The following PID1 variants were observed in gnomAD, a reference collection of about 807,000 sequenced individuals.
PID1 encodes the protein phosphotyrosine interaction domain containing 1, also known as PTB-containing, cubilin and LRP1-interacting protein.
PID1 carries 10 observed loss-of-function variants against 19.1 expected under a neutral mutation model. The observed-to-expected ratio is 0.52, with a 90% CI of 0.32 to 0.89. The LOEUF (loss-of-function observed/expected upper bound fraction) is 0.89. PID1 is among the 40% of genes least tolerant of loss of function. The probability of loss-of-function intolerance (pLI) is 0.03; values close to 1 mark genes in which losing one functional copy is unlikely to be tolerated. For missense variants in PID1, 248 were observed against 285.3 expected (o/e 0.87, Z 0.94); for synonymous variants, 130 against 116.0 (o/e 1.12, Z -0.78).
At chr2:229,201,716 C>G (rs1356720573) in intron 1 of PID1, among the ~76,000 whole-genome samples, 1 of 152,078 alleles carries the variant, frequency 6.6e-6, no homozygotes, top group East Asian at 1.9e-4. Context: ...CTTTCCACAG[C>G]AGTTGCATCA....
chr2:229,045,690 T>C (rs1477546393), intron 2 of PID1, among the ~76,000 whole-genome samples: 1 of 152,250 alleles, frequency 6.6e-6, no homozygotes, highest in Non-Finnish European at 1.5e-5. Flanking sequence ...AGTGAATTGA[T>C]GAGGAAACCT....
At position 229,258,314 on chromosome 2, in the gene PID1, C is replaced by T. The variant is rs551481695; in HGVS notation, c.30+12700G>A. Among the ~76,000 whole-genome samples, 3 of 152,272 alleles carry T rather than the reference C, an allele frequency of 2.0e-5. No individual in the cohort carries two copies. The South Asian group carries it at 6.2e-4, about 32-fold the overall frequency. ...TCAACCACTAGTTTGACTAAGATCCCTAGGCAAACTGAGATGGATGAAAAA... is the reference window on the plus strand; with the variant it reads ...TCAACCACTAGTTTGACTAAGATCCTTAGGCAAACTGAGATGGATGAAAAA... On this transcript the variant is annotated intron_variant, in intron 1 of 2. Coordinates refer to ENST00000392055, the MANE Select transcript of PID1 (RefSeq NM_001100818.2).
chr2:229,061,360 T>C (rs1189073583), intron 2 of PID1, among the ~76,000 whole-genome samples: 4 of 151,994 alleles, frequency 2.6e-5, no homozygotes, highest in South Asian at 2.1e-4. Flanking sequence ...ATTGAAAAGA[T>C]TGCCTTTCTC....
intron 1 of PID1, among the ~76,000 whole-genome samples, chr2:229,210,161 A>G (rs1574724273): frequency 6.6e-6 from 1 of 151,526 alleles, no homozygotes; most frequent in African/African-American, 2.4e-5. Context: ...AAAAAGTAAA[A>G]TATGTAAAGG....
chr2:229,138,279 T>C (rs376718716), intron 2 of PID1, among the ~76,000 whole-genome samples: 1 of 152,296 alleles, frequency 6.6e-6, no homozygotes, highest in Admixed American at 6.5e-5. Context: ...CTGTAAAAAC[T>C]GTGCTCTAAA....
At chr2:229,138,830 T>C (rs1689911308) in intron 2 of PID1, among the ~76,000 whole-genome samples, 1 of 150,594 alleles carries the variant, frequency 6.6e-6, no homozygotes. Context: ...ATCAGTGCTT[T>C]TGCTGGACAG....
At chr2:229,143,835 C>T (rs555118743) in intron 2 of PID1, among the ~76,000 whole-genome samples, 3 of 152,096 alleles carry the variant, frequency 2.0e-5, no homozygotes, top group South Asian at 2.1e-4. Flanking sequence ...CTTCCCCTTC[C>T]GCCATGATTT....
chr2:229,172,291 G>T (rs558628620), intron 1 of PID1, among the ~76,000 whole-genome samples: 1 of 152,310 alleles, frequency 6.6e-6, no homozygotes, highest in African/African-American at 2.4e-5. Context: ...ATTGATCAAT[G>T]AAGCATATAT....
chr2:229,248,644 C>A (rs1690065021), intron 1 of PID1, among the ~76,000 whole-genome samples: 1 of 152,194 alleles, frequency 6.6e-6, no homozygotes, highest in South Asian at 2.1e-4. Context: ...CTCCATCATC[C>A]CTGCTTTATT....
chr2:229,153,996 C>A (rs1690313245), intron 2 of PID1, among the ~76,000 whole-genome samples: 1 of 152,136 alleles, frequency 6.6e-6, no homozygotes, highest in Non-Finnish European at 1.5e-5. Flanking sequence ...ATATCACTTT[C>A]AAATTTATAA....
intron 2 of PID1, among the ~76,000 whole-genome samples, chr2:229,060,335 C>G (rs887305959): frequency 6.6e-6 from 1 of 152,066 alleles, no homozygotes; most frequent in Non-Finnish European, 1.5e-5. Flanking sequence ...GAGATCAACT[C>G]TTTTAGATTC....
chr2:229,092,630 T>C (rs1694898569), intron 2 of PID1, among the ~76,000 whole-genome samples: 1 of 152,086 alleles, frequency 6.6e-6, no homozygotes, highest in Admixed American at 6.5e-5. Context: ...AGTTTCACCT[T>C]TCCTTTTTCC....
At chr2:229,227,076 C>G (rs1692093915) in intron 1 of PID1, among the ~76,000 whole-genome samples, 1 of 152,178 alleles carries the variant, frequency 6.6e-6, no homozygotes, top group East Asian at 1.9e-4. Flanking sequence ...AAACTAAACA[C>G]ATATGCACAA....
intron 2 of PID1, among the ~76,000 whole-genome samples, chr2:229,056,389 T>A (rs529110392): frequency 1.3e-4 from 20 of 152,064 alleles, no homozygotes; most frequent in Non-Finnish European, 2.8e-4. Flanking sequence ...CTGCTTCTGT[T>A]AGGCACACTA....
intron 2 of PID1, among the ~76,000 whole-genome samples, chr2:229,044,624 A>G (rs1422267090): frequency 1.3e-5 from 2 of 152,224 alleles, no homozygotes; most frequent in Admixed American, 6.5e-5. Context: ...ACAATGGACA[A>G]TAATGAAGAT....
chr2:229,179,464 C>T (rs1690892550), intron 1 of PID1, among the ~76,000 whole-genome samples: 1 of 151,936 alleles, frequency 6.6e-6, no homozygotes, highest in South Asian at 2.1e-4. Context: ...TGAACAGGAA[C>T]ACCAAAAAGA....
intron 2 of PID1, among the ~76,000 whole-genome samples, chr2:229,128,148 C>T (rs1412380739): frequency 2.0e-5 from 3 of 151,888 alleles, no homozygotes; most frequent in East Asian, 3.9e-4. Context: ...GGATTTTGTA[C>T]CAGAGTCCCC....
chr2:229,235,497 T>G (rs1023089942), intron 1 of PID1, among the ~76,000 whole-genome samples: 4 of 23,636 alleles, frequency 1.7e-4, no homozygotes, highest in Non-Finnish European at 3.2e-4. Context: ...GTTTATGTGT[T>G]TTTTTTTTCT....
At chr2:229,209,640 C>T (rs1455099399) in intron 1 of PID1, among the ~76,000 whole-genome samples, 1 of 152,166 alleles carries the variant, frequency 6.6e-6, no homozygotes, top group African/African-American at 2.4e-5. Context: ...TTGTCCATTT[C>T]ATATATTACA....
Sources: allele counts gnomAD v4.1 joint callset (sites outside exome capture counted in the v4.1 genomes callset), GRCh38; gene constraint gnomAD v4.1.1; transcripts MANE v1.5; gene names NCBI Gene and HGNC (gene_info 2026-07-23, HGNC 2026-07-21).